LOXHD1: variants seen among roughly 807,000 people sequenced by gnomAD.
LOXHD1 encodes the protein lipoxygenase homology PLAT domains 1.
A neutral mutation model predicts 248.2 loss-of-function variants in LOXHD1; 205 were observed. That is an observed-to-expected ratio of 0.83 (90% CI 0.74 to 0.93). The LOEUF (loss-of-function observed/expected upper bound fraction) is 0.93, where lower values mean the gene tolerates loss of function less well. Among genes scored for constraint, LOXHD1 ranks in the 40% least tolerant of loss-of-function variants. LOXHD1 has a pLI of 0.00. For synonymous variants in LOXHD1, 1,113 were observed against 1,162.8 expected (o/e 0.96, Z 0.87); for missense variants, 2,930 against 2,971.6 (o/e 0.99, Z 0.33).
At chr18:46,557,616 G>A in intron 20 of LOXHD1, 127 bp from the exon 21 acceptor site, 1 of 1,131,618 alleles carries the variant, frequency 8.8e-7, no homozygotes, top group Non-Finnish European at 1.3e-6. Flanking sequence ...GCAACCAGGA[G>A]TGGGGATGAT....
chr18:46,563,369 C>T, intron 17 of LOXHD1, 144 bp from the exon 18 acceptor site: 1 of 766,330 alleles, frequency 1.3e-6, no homozygotes. Context: ...CCTCAACACC[C>T]TGAGTAAGCA....
At chr18:46,515,701 A>C (rs182823090) in intron 34 of LOXHD1, among the ~76,000 whole-genome samples, 2 of 152,338 alleles carry the variant, frequency 1.3e-5, no homozygotes, top group African/African-American at 2.4e-5. Context: ...TTAGAGTCAC[A>C]GTACAGAAGT....
chr18:46,615,240 G>C (rs1360874025), intron 5 of LOXHD1, among the ~76,000 whole-genome samples: 1 of 152,178 alleles, frequency 6.6e-6, no homozygotes, highest in Non-Finnish European at 1.5e-5. Context: ...AAAGAGGCTA[G>C]CCTTCTCCAA....
Position 46,524,780 on chromosome 18 carries a change from G to T in LOXHD1, c.4668C>A (p.Phe1556Leu). 1.9e-6 allele frequency: 3 copies of T among 1,551,738 alleles called. No individual in the cohort carries two copies. In the South Asian group the frequency reaches 3.6e-5, roughly 18 times the overall value. Residue 1556 changes from phenylalanine to leucine, a missense_variant, in exon 30 of 41, where the codon TTC becomes TTA. Transcript: ENST00000642948. ...EIWNDTNEDE[F>L]LFLCGRWLSL... The stretch of plus-strand genomic sequence containing the variant: ...AGAGCCAGCGCCCGCATAGGAACAG[G>T]AACTCGTCCTCGTTGGTGTCATTCC...
chr18:46,492,512 T>C (rs1166683954), intron 37 of LOXHD1, among the ~76,000 whole-genome samples: 1 of 152,126 alleles, frequency 6.6e-6, no homozygotes, highest in African/African-American at 2.4e-5. Flanking sequence ...AAGAACAGCA[T>C]GGGGGAAACC....
rs1410560877 is a variant in LOXHD1 at position 46,477,722 on chromosome 18, T to C, written c.6572A>G (p.Lys2191Arg). 4 of 1,551,820 alleles carry C rather than the reference T, an allele frequency of 2.6e-6. No homozygotes were observed. In the Admixed American group the frequency reaches 7.8e-5, roughly 30 times the overall value. The change falls in exon 41 of 41, where the codon AAG becomes AGG. Residue 2191 changes from lysine (K) to arginine (R), a missense_variant. Coordinates refer to ENST00000642948, the MANE Select transcript of LOXHD1 (RefSeq NM_001384474.1). ...CTCGAAGAGGTTGCGCATTTTCTGC[T>C]TCAGCTCCCGCTTGCCTGTGTCTCC... Reference protein sequence around the residue: ...ANGDTGKRELKQKMRNLFERG... With the variant: ...ANGDTGKRELRQKMRNLFERG...
At chr18:46,562,712 C>T (rs778515070) in intron 18 of LOXHD1, among the ~76,000 whole-genome samples, 31 of 152,168 alleles carry the variant, frequency 2.0e-4, no homozygotes, top group Non-Finnish European at 3.7e-4. Context: ...TTCTCAGGGT[C>T]GGCAGCATGT....
chr18:46,655,163 G>T (rs547113621), intron 1 of LOXHD1, among the ~76,000 whole-genome samples: 3 of 152,154 alleles, frequency 2.0e-5, no homozygotes, highest in Non-Finnish European at 4.4e-5. Context: ...GAAATGGGGC[G>T]CTTGCCTCGA....
At chr18:46,644,813 C>A (rs1042364390) in intron 2 of LOXHD1, among the ~76,000 whole-genome samples, 3 of 152,218 alleles carry the variant, frequency 2.0e-5, no homozygotes, top group South Asian at 2.1e-4. Flanking sequence ...ATTTGTGAAA[C>A]AATCCACCAT....
Position 46,506,010 on chromosome 18 carries a change from A to T in LOXHD1, c.5706T>A (p.Asp1902Glu). The change falls in exon 37 of 41, where the codon GAT becomes GAA. Residue 1902 changes from aspartate to glutamate, a missense_variant. Asp to Glu is a conservative substitution (Grantham distance 45). Transcript: ENST00000642948. ...KTSDILGAGT[D>E]ANVFIIIFGE... is the part of the protein sequence containing the mutation. ...CGAAGATGATGATGAACACGTTGGCATCAGTGCCTGCTCCTGGGGGGTGCA... is the reference window on the plus strand; with the variant it reads ...CGAAGATGATGATGAACACGTTGGCTTCAGTGCCTGCTCCTGGGGGGTGCA... 6.4e-7 allele frequency: 1 copy of T among 1,552,214 alleles called. No individual in the cohort carries two copies. Among genetic ancestry groups the T allele is most frequent in the South Asian group, 1.2e-5 (1 of 84,056 alleles).
intron 16 of LOXHD1, 100 bp downstream of exon 16, chr18:46,569,342 G>A (rs1456858192): frequency 2.9e-5 from 29 of 987,610 alleles, no homozygotes; most frequent in South Asian, 1.3e-4. Flanking sequence ...GAGTGTGTGC[G>A]TGTGTGTCTG....
intron 5 of LOXHD1, 24 bp downstream of exon 5, chr18:46,618,168 A>G (rs1192452239): frequency 3.3e-6 from 5 of 1,523,312 alleles, no homozygotes; most frequent in Non-Finnish European, 4.5e-6. Flanking sequence ...TTGGCTTATG[A>G]AAAAAATAAT....
At chr18:46,514,941 C>A (rs1386915675) in intron 34 of LOXHD1, among the ~76,000 whole-genome samples, 1 of 152,192 alleles carries the variant, frequency 6.6e-6, no homozygotes, top group Non-Finnish European at 1.5e-5. Flanking sequence ...AGACTCATCT[C>A]CTGAGAGTAT....
chr18:46,584,080 G>A (rs746490771), intron 12 of LOXHD1, among the ~76,000 whole-genome samples: 79 of 152,180 alleles, frequency 5.2e-4, no homozygotes, highest in Non-Finnish European at 1.0e-3. Flanking sequence ...ATCAGGTTAA[G>A]TGAAATAAGC....
At chr18:46,562,772 T>A (rs772555033) in intron 18 of LOXHD1, among the ~76,000 whole-genome samples, 25 of 152,120 alleles carry the variant, frequency 1.6e-4, no homozygotes, top group Non-Finnish European at 3.2e-4. Context: ...ATATATCCCA[T>A]CCCCAGAGGT....
Position 46,541,824 on chromosome 18 carries a change from T to C in LOXHD1, c.3865A>G (p.Ile1289Val). The C allele has an allele frequency of 1.3e-6, 2 of 1,551,690 alleles. No homozygotes were observed. Among genetic ancestry groups the C allele is most frequent in the South Asian group, 1.2e-5 (1 of 84,060 alleles). Residue 1289 changes from isoleucine (I) to valine (V), a missense_variant, in exon 25 of 41, where the codon ATC becomes GTC. By Grantham distance (29) the Ile-to-Val change is conservative. Transcript: ENST00000642948. Reference protein sequence around the residue: ...LAKNEDDGSIIRDLFHAELQT... With the variant: ...LAKNEDDGSIVRDLFHAELQT... Reference sequence around the variant, plus strand: ...AGCTCTGCATGGAAGAGGTCTCTGATGATGGACCCGTCGTCTTCGTTTTTG... The same window carrying C: ...AGCTCTGCATGGAAGAGGTCTCTGACGATGGACCCGTCGTCTTCGTTTTTG...
intron 3 of LOXHD1, among the ~76,000 whole-genome samples, chr18:46,640,546 G>T (rs2038950380): frequency 6.6e-6 from 1 of 152,128 alleles, no homozygotes; most frequent in African/African-American, 2.4e-5. Context: ...CAAAGAAACT[G>T]GTAGAATTTT....
chr18:46,576,751 G>C (rs521940), intron 14 of LOXHD1, among the ~76,000 whole-genome samples: 38,310 of 152,162 alleles, frequency 0.25, 5,317 homozygotes, highest in African/African-American at 0.35. Flanking sequence ...CCTCCCAGTG[G>C]CCCTCCGTGG....
At chr18:46,581,009 T>C (rs2037951802) in intron 12 of LOXHD1, among the ~76,000 whole-genome samples, 1 of 152,186 alleles carries the variant, frequency 6.6e-6, no homozygotes, top group Non-Finnish European at 1.5e-5. Flanking sequence ...TGGCTTCCTT[T>C]TTATTTTTAA....
Sources: allele counts gnomAD v4.1 joint callset (sites outside exome capture counted in the v4.1 genomes callset), GRCh38; gene constraint gnomAD v4.1.1; transcripts MANE v1.5; gene names NCBI Gene and HGNC (gene_info 2026-07-23, HGNC 2026-07-21).